The following AGMO variants were observed in gnomAD, a reference collection of about 807,000 sequenced individuals.
AGMO encodes glyceryl-ether monooxygenase.
Under a neutral mutation model 60.2 loss-of-function variants are expected in AGMO, and 75 were observed. That is an observed-to-expected ratio of 1.25 (90% CI 1.03 to 1.51). The LOEUF (loss-of-function observed/expected upper bound fraction) is 1.51. Among genes scored for constraint, AGMO ranks in the 40% most tolerant of loss-of-function variants. AGMO has a pLI of 0.00. For missense variants in AGMO, 763 were observed against 525.5 expected (o/e 1.45, Z -4.42); for synonymous variants, 261 against 177.1 (o/e 1.47, Z -3.76).
intron 12 of AGMO, among the ~76,000 whole-genome samples, chr7:15,235,403 G>C (rs891731642): frequency 1.3e-5 from 2 of 152,074 alleles, no homozygotes; most frequent in Admixed American, 6.6e-5. Flanking sequence ...ACTTAAAATG[G>C]AATTCAACTA....
chr7:15,316,726 C>T (rs1175745349), intron 12 of AGMO, among the ~76,000 whole-genome samples: 2 of 152,116 alleles, frequency 1.3e-5, no homozygotes, highest in Non-Finnish European at 2.9e-5. Flanking sequence ...AGTAACGTTT[C>T]CCCTCTCACT....
chr7:15,120,622 C>T, the AGMO span, among the ~76,000 whole-genome samples: 1 of 152,040 alleles, frequency 6.6e-6, no homozygotes, highest in African/African-American at 2.4e-5. Context: ...GGTACCTCAC[C>T]TAGAAATAAA....
chr7:15,159,515 G>A, the AGMO span, among the ~76,000 whole-genome samples: 11 of 152,220 alleles, frequency 7.2e-5, no homozygotes, highest in South Asian at 2.3e-3. Flanking sequence ...TTCTCATTTA[G>A]AATGTACATT....
chr7:15,312,900 C>A (rs114180634), intron 12 of AGMO, among the ~76,000 whole-genome samples: 2,014 of 152,134 alleles, frequency 0.013, 38 homozygotes, highest in African/African-American at 0.047. Context: ...AACTCCCGAA[C>A]TCAAGCAGTC....
chr7:15,165,334 C>T, the AGMO span, among the ~76,000 whole-genome samples: 1 of 152,078 alleles, frequency 6.6e-6, no homozygotes, highest in Admixed American at 6.6e-5. Flanking sequence ...GATCATCCTG[C>T]AGTATATCCA....
chr7:15,294,340 G>C (rs1359789904), intron 12 of AGMO, among the ~76,000 whole-genome samples: 1 of 151,704 alleles, frequency 6.6e-6, no homozygotes, highest in Non-Finnish European at 1.5e-5. Context: ...ATTTCTGGAG[G>C]TCCTTAAAAG....
At chr7:15,130,651 T>C in the AGMO span, among the ~76,000 whole-genome samples, 1 of 152,176 alleles carries the variant, frequency 6.6e-6, no homozygotes, top group African/African-American at 2.4e-5. Flanking sequence ...TTATGTTAGC[T>C]ATATAATTGT....
intron 12 of AGMO, among the ~76,000 whole-genome samples, chr7:15,284,686 G>T (rs887659749): frequency 6.6e-6 from 1 of 151,862 alleles, no homozygotes; most frequent in Admixed American, 6.6e-5. Context: ...TAGTCCAAAA[G>T]ATTCAGAAGG....
At chr7:15,195,956 T>G (rs750093125), downstream of AGMO, among the ~76,000 whole-genome samples, 2 of 152,062 alleles carry the variant, frequency 1.3e-5, no homozygotes, top group African/African-American at 2.4e-5. Flanking sequence ...ACTCTCCAGC[T>G]TGCTGATGCT....
chr7:15,195,613 C>T (rs973782937), downstream of AGMO, among the ~76,000 whole-genome samples: 1 of 152,246 alleles, frequency 6.6e-6, no homozygotes, highest in African/African-American at 2.4e-5. Context: ...TTTGAACATG[C>T]CTAGTCCCCA....
the AGMO span, among the ~76,000 whole-genome samples, chr7:15,184,410 A>AAGGG: frequency 2.4e-5 from 3 of 123,268 alleles, no homozygotes; most frequent in Admixed American, 7.7e-5. Context: ...GAAGAAAGGG[A>AAGGG]AGGAAGGAAG....
At chr7:15,319,667 C>T (rs1781046444) in intron 12 of AGMO, among the ~76,000 whole-genome samples, 1 of 151,954 alleles carries the variant, frequency 6.6e-6, no homozygotes, top group African/African-American at 2.4e-5. Flanking sequence ...ATTTAATATC[C>T]ATTACACAAT....
the AGMO span, among the ~76,000 whole-genome samples, chr7:15,126,582 G>A: frequency 6.6e-6 from 1 of 152,040 alleles, no homozygotes; most frequent in Admixed American, 6.6e-5. Context: ...CTAAGGGTCT[G>A]GGGAGTCATG....
chr7:15,472,882 A>G (rs2128513348), intron 3 of AGMO, among the ~76,000 whole-genome samples: 1 of 151,968 alleles, frequency 6.6e-6, no homozygotes, highest in South Asian at 2.1e-4. Context: ...TTTTGGCTGC[A>G]AAATTAGAAC....
intron 3 of AGMO, among the ~76,000 whole-genome samples, chr7:15,464,812 A>C (rs1782235668): frequency 6.6e-6 from 1 of 152,232 alleles, no homozygotes; most frequent in South Asian, 2.1e-4. Context: ...TGTTAGGGTA[A>C]GGCCAAAAAA....
intron 3 of AGMO, among the ~76,000 whole-genome samples, chr7:15,515,566 AGACAATTTT>A (rs1783785799): frequency 3.9e-5 from 6 of 152,248 alleles, no homozygotes; most frequent in Admixed American, 3.9e-4. Flanking sequence ...GGAACATAAA[AGACAATTTT>A]GCTGTATATG....
chr7:15,267,816 A>G lies in AGMO; in HGVS notation c.1264-66457T>C, dbSNP rs12112631. Among the ~76,000 whole-genome samples, 562 of 152,070 alleles carry G rather than the reference A, an allele frequency of 3.7e-3. 5 individuals carry two copies. Among genetic ancestry groups the G allele is most frequent in the African/African-American group, 0.013 (535 of 41,532 alleles). On this transcript the variant is annotated intron_variant, in intron 12 of 12. Transcript: ENST00000342526. ...AACACTTTAGGTCTTGTTTCCCAAAACGCTAAAGCAGAGTATTTCAAGATA... is the reference window on the plus strand; with the variant it reads ...AACACTTTAGGTCTTGTTTCCCAAAGCGCTAAAGCAGAGTATTTCAAGATA...
chr7:15,334,606 A>G (rs1333171006), intron 12 of AGMO, among the ~76,000 whole-genome samples: 1 of 152,176 alleles, frequency 6.6e-6, no homozygotes, highest in East Asian at 1.9e-4. Context: ...TTCCACTACA[A>G]GGCAGGTGTA....
intron 12 of AGMO, among the ~76,000 whole-genome samples, chr7:15,248,671 A>G (rs1357968772): frequency 6.6e-6 from 1 of 152,204 alleles, no homozygotes; most frequent in Non-Finnish European, 1.5e-5. Flanking sequence ...CACAAGACAC[A>G]TATTGTCCCA....
Sources: allele counts gnomAD v4.1 joint callset (sites outside exome capture counted in the v4.1 genomes callset), GRCh38; gene constraint gnomAD v4.1.1; transcripts MANE v1.5; gene names NCBI Gene and HGNC (gene_info 2026-07-23, HGNC 2026-07-21).